The following CTDSPL variants were observed in gnomAD, a reference collection of about 807,000 sequenced individuals.
The protein encoded by CTDSPL is CTD small phosphatase like, also known as CTD small phosphatase-like protein.
In CTDSPL, 8 loss-of-function variants were observed where a neutral mutation model predicts 30.5. That is an observed-to-expected ratio of 0.26 (90% CI 0.15 to 0.47). The LOEUF (loss-of-function observed/expected upper bound fraction) is 0.47. CTDSPL is among the 20% of genes least tolerant of loss of function. The pLI is 0.99. For synonymous variants in CTDSPL, 110 were observed against 137.9 expected, an observed-to-expected ratio of 0.80 and a Z score of 1.42; for missense variants, 248 against 366.1, an observed-to-expected ratio of 0.68 and a Z score of 2.63.
chr3:37,899,488 TGTGGGCAGA>T (rs1698425130), intron 1 of CTDSPL, among the ~76,000 whole-genome samples: 1 of 152,172 alleles, frequency 6.6e-6, no homozygotes, highest in South Asian at 2.1e-4. Flanking sequence ...ACGACCATCC[TGTGGGCAGA>T]GGCAAAAAAC....
intron 3 of CTDSPL, among the ~76,000 whole-genome samples, chr3:37,960,438 C>CAA: frequency 7.9e-6 from 1 of 126,088 alleles, no homozygotes; most frequent in African/African-American, 3.1e-5. Context: ...TGAGATCATG[C>CAA]CATTGCACTC....
intron 1 of CTDSPL, among the ~76,000 whole-genome samples, chr3:37,867,384 A>G (rs1418437050): frequency 6.6e-6 from 1 of 152,122 alleles, no homozygotes; most frequent in East Asian, 1.9e-4. Flanking sequence ...CATTGTTTCT[A>G]GATGTTGAGT....
intron 7 of CTDSPL, among the ~76,000 whole-genome samples, chr3:37,979,686 C>T (rs1318476685): frequency 1.3e-5 from 2 of 152,150 alleles, no homozygotes; most frequent in African/African-American, 2.4e-5. Context: ...ATCACTTGAG[C>T]CCAGGAGGTC....
Position 37,981,838 on chromosome 3 carries a change from G to A in CTDSPL, c.*971G>A. On this transcript the variant is annotated 3_prime_UTR_variant, in exon 8 of 8. Transcript: ENST00000273179. ...CCTTTCCAAAAGCTGGATACACATG[G>A]AGCTGTTTGGGAATTTTCCTTGCTG... 1 of 457,214 alleles carries A rather than the reference G, an allele frequency of 2.2e-6. No homozygotes were observed. Among genetic ancestry groups the A allele is most frequent in the Non-Finnish European group, 4.4e-6 (1 of 227,088 alleles). The allele number at this position is 457,214 out of a possible 1,614,324, so 28.3% of individuals were successfully genotyped here. A position where few individuals can be genotyped will look rare whatever the true frequency, so the allele number is the denominator to read the frequency against.
In CTDSPL at chr3:37,980,965, C is replaced by G; in HGVS notation, c.*98C>G. 6.9e-7 allele frequency: 1 copy of G among 1,446,468 alleles called. No individual in the cohort carries two copies. Among genetic ancestry groups the G allele is most frequent in the Non-Finnish European group, 9.3e-7 (1 of 1,077,338 alleles). 89.6% of individuals were successfully genotyped at this position (1,446,468 alleles called of 1,614,324 possible). A position where few individuals can be genotyped will look rare whatever the true frequency, so the allele number is the denominator to read the frequency against. On this transcript the variant is annotated 3_prime_UTR_variant, in exon 8 of 8. Transcript: ENST00000273179. ...TCCCTGGGAGCTGAAAGTGAGGATA[C>G]TCCGTGCTCCAGGCCACAGGGTGAA...
chr3:37,944,909 CAT>C lies in CTDSPL; in HGVS notation c.80-2147_80-2146del, dbSNP rs1457649074. Reference sequence around the variant, plus strand: ...GTGTAGCTTCTGTACAGTAAGTAATCATGTGGTAGAAATTATGAATAGTGTAC... The same window carrying C: ...GTGTAGCTTCTGTACAGTAAGTAATCGTGGTAGAAATTATGAATAGTGTAC... On this transcript the variant is annotated intron_variant, in intron 1 of 7. Transcript: ENST00000273179. The C allele has an allele frequency of 2.0e-5, 3 of 150,464 alleles. 1 individual carries two copies. The highest frequency in any genetic ancestry group is 3.0e-5 in the Non-Finnish European group (2 of 67,144). 9.3% of individuals were successfully genotyped at this position (150,464 alleles called of 1,614,324 possible).
rs144546364 is a variant in CTDSPL, at chr3:37,877,343, G to A, written c.79+15065G>A. 6.6e-5 allele frequency among the ~76,000 whole-genome samples: 10 copies of A among 152,190 alleles called. No individual in the cohort carries two copies. The East Asian group carries it at 1.9e-3, about 29-fold the overall frequency. ...TCTACTCCAGCTGCCTCATATAAGTGGAATCATACAGTATTTTTTTGTGAT... is the reference window on the plus strand; with the variant it reads ...TCTACTCCAGCTGCCTCATATAAGTAGAATCATACAGTATTTTTTTGTGAT... On this transcript the variant is annotated intron_variant, in intron 1 of 7. Coordinates refer to ENST00000273179, the MANE Select transcript of CTDSPL (RefSeq NM_001008392.2).
At chr3:37,956,708 C>T (rs1318407507) in intron 2 of CTDSPL, among the ~76,000 whole-genome samples, 9 of 152,040 alleles carry the variant, frequency 5.9e-5, no homozygotes, top group African/African-American at 9.7e-5. Context: ...CCATTCCCTG[C>T]GTATGATATT....
chr3:37,892,633 G>A (rs1575285227), intron 1 of CTDSPL, among the ~76,000 whole-genome samples: 1 of 151,958 alleles, frequency 6.6e-6, no homozygotes, highest in African/African-American at 2.4e-5. Context: ...AGAGTAGAAA[G>A]ACCCTTAAGC....
At chr3:37,974,473 G>T (rs1699403064) in intron 6 of CTDSPL, among the ~76,000 whole-genome samples, 1 of 152,246 alleles carries the variant, frequency 6.6e-6, no homozygotes, top group Non-Finnish European at 1.5e-5. Flanking sequence ...GCTGATGCCT[G>T]GTTGTACCCC....
chr3:37,899,373 A>G (rs984781870), intron 1 of CTDSPL, among the ~76,000 whole-genome samples: 1 of 152,220 alleles, frequency 6.6e-6, no homozygotes, highest in African/African-American at 2.4e-5. Context: ...CTGTGGGCCA[A>G]GGGGCCATGC....
chr3:37,939,233 C>T (rs73058943), intron 1 of CTDSPL, among the ~76,000 whole-genome samples: 4,031 of 150,230 alleles, frequency 0.027, 319 homozygotes, highest in Non-Finnish European at 0.039. Flanking sequence ...TAGATTTTCT[C>T]TCTTACACAA....
intron 1 of CTDSPL, among the ~76,000 whole-genome samples, chr3:37,917,443 T>TA (rs1313392290): frequency 6.6e-6 from 1 of 152,238 alleles, no homozygotes; most frequent in Non-Finnish European, 1.5e-5. Flanking sequence ...CCTAAAGTGT[T>TA]AGGCACTTTC....
chr3:37,970,477 T>C (rs916072502), intron 5 of CTDSPL, among the ~76,000 whole-genome samples: 2 of 152,210 alleles, frequency 1.3e-5, no homozygotes, highest in Non-Finnish European at 2.9e-5. Flanking sequence ...TTAAAGAGTT[T>C]GATTTATTTT....
chr3:37,957,408 G>T (rs1699186548), intron 3 of CTDSPL, among the ~76,000 whole-genome samples: 1 of 152,076 alleles, frequency 6.6e-6, no homozygotes, highest in Non-Finnish European at 1.5e-5. Flanking sequence ...TTTCTCTCTG[G>T]GAAGGACCTC....
rs374335328 is a variant in CTDSPL at position 37,885,533 on chromosome 3, C to G, written c.79+23255C>G. On this transcript the variant is annotated intron_variant, in intron 1 of 7. Transcript: ENST00000273179. ...AGACCTAGTAGTGTCGTGGTGTGAG[C>G]TACTGTGGGGTAGCAGGAAGTTTGC... Among the ~76,000 whole-genome samples the G allele has an allele frequency of 1.1e-4, 17 of 152,232 alleles. No homozygotes were observed. The South Asian group carries it at 2.7e-3, about 24-fold the overall frequency.
chr3:37,878,941 G>GA (rs1206895784), intron 1 of CTDSPL, among the ~76,000 whole-genome samples: 1 of 152,164 alleles, frequency 6.6e-6, no homozygotes, highest in Non-Finnish European at 1.5e-5. Flanking sequence ...GAGAATAAGG[G>GA]AGTTGCATGT....
intron 1 of CTDSPL, among the ~76,000 whole-genome samples, chr3:37,872,187 G>A (rs1698078851): frequency 6.6e-6 from 1 of 151,972 alleles, no homozygotes; most frequent in Non-Finnish European, 1.5e-5. Flanking sequence ...GTAGAGTCGG[G>A]GGTCAGCCTA....
At chr3:37,888,124 G>A (rs774216624) in intron 1 of CTDSPL, among the ~76,000 whole-genome samples, 65 of 152,256 alleles carry the variant, frequency 4.3e-4, no homozygotes, top group Admixed American at 1.8e-3. Flanking sequence ...GGGTCTGAAG[G>A]ATCCACGCAT....
Sources: allele counts gnomAD v4.1 joint callset (sites outside exome capture counted in the v4.1 genomes callset), GRCh38; gene constraint gnomAD v4.1.1; transcripts MANE v1.5; gene names NCBI Gene and HGNC (gene_info 2026-07-23, HGNC 2026-07-21).